ANKRD30A: variants seen among roughly 807,000 people sequenced by gnomAD.
ANKRD30A encodes the protein ankyrin repeat domain-containing protein 30A.
In ANKRD30A, 170 loss-of-function variants were observed where a neutral mutation model predicts 166.3. The ratio of observed to expected loss-of-function variants is 1.02; its 90% CI spans 0.90 to 1.16. The LOEUF is 1.16. Ranked by LOEUF, ANKRD30A falls within the 50% of genes most tolerant of loss-of-function variation. The probability of loss-of-function intolerance (pLI) is 0.00; values close to 1 mark genes in which losing one functional copy is unlikely to be tolerated. For missense variants in ANKRD30A, 1,630 were observed against 1,518.0 expected (o/e 1.07, Z -1.23); for synonymous variants, 564 against 508.9 (o/e 1.11, Z -1.46).
chr10:37,139,812 A>G (rs1447040558), intron 6 of ANKRD30A, among the ~76,000 whole-genome samples: 3 of 152,186 alleles, frequency 2.0e-5, no homozygotes, highest in East Asian at 3.9e-4. Flanking sequence ...AATTTTTACA[A>G]TAAATGGTTT....
downstream of ANKRD30A, among the ~76,000 whole-genome samples, chr10:37,232,808 G>A (rs561625906): frequency 6.2e-5 from 9 of 144,604 alleles, no homozygotes; most frequent in African/African-American, 2.0e-4. Context: ...AGTCACTTGA[G>A]CCCAAGATTT....
the ANKRD30A span, chr10:37,241,272 A>T: frequency 3.9e-3 from 587 of 151,408 alleles, 3 homozygotes; most frequent in African/African-American, 0.014. Flanking sequence ...CAGAAAAAAA[A>T]GGTACTAACT....
chr10:37,178,883 G>A (rs1266357710), intron 24 of ANKRD30A, among the ~76,000 whole-genome samples: 2 of 150,828 alleles, frequency 1.3e-5, no homozygotes, highest in African/African-American at 2.4e-5. Flanking sequence ...CACTTCGGAA[G>A]CATTTAGAAA....
chr10:37,220,029 A>ATATATATATATAT (rs1366777838), intron 34 of ANKRD30A, 132 bp downstream of exon 34: 1 of 148,442 alleles, frequency 6.7e-6, no homozygotes, highest in Non-Finnish European at 1.2e-5. Flanking sequence ...ATATATATAT[A>ATATATATATATAT]ATATATGTAT....
intron 25 of ANKRD30A, among the ~76,000 whole-genome samples, chr10:37,191,795 A>C (rs1168799466): frequency 1.3e-5 from 2 of 152,026 alleles, no homozygotes; most frequent in South Asian, 4.2e-4. Flanking sequence ...GGAGATCCAG[A>C]CCATCCTGGC....
the ANKRD30A span, among the ~76,000 whole-genome samples, chr10:37,260,101 T>A: frequency 6.6e-6 from 1 of 150,414 alleles, no homozygotes; most frequent in Non-Finnish European, 1.5e-5. Flanking sequence ...TCTTTCCTTT[T>A]GTGTATGTTT....
downstream of ANKRD30A, among the ~76,000 whole-genome samples, chr10:37,234,776 C>T (rs537630465): frequency 4.0e-4 from 61 of 152,216 alleles, no homozygotes; most frequent in African/African-American, 1.4e-3. Context: ...AGTTTAGCAA[C>T]TTCTTTTCTA....
intron 8 of ANKRD30A, among the ~76,000 whole-genome samples, chr10:37,145,518 A>C (rs1375374212): frequency 6.6e-6 from 1 of 152,240 alleles, no homozygotes; most frequent in Non-Finnish European, 1.5e-5. Flanking sequence ...TACTTAAAAA[A>C]AAATGTGTGC....
chr10:37,126,961 C>T (rs1283310517), intron 1 of ANKRD30A, among the ~76,000 whole-genome samples: 6 of 142,558 alleles, frequency 4.2e-5, no homozygotes, highest in Admixed American at 1.5e-4. Flanking sequence ...GCGGGAGAAT[C>T]GCTTGAACCC....
intron 8 of ANKRD30A, 66 bp downstream of exon 8, chr10:37,145,122 C>T (rs1837406593): frequency 1.6e-6 from 2 of 1,288,164 alleles, no homozygotes; most frequent in Non-Finnish European, 2.1e-6. Flanking sequence ...AATATAAAGT[C>T]AGAGGCTTTG....
At chr10:37,166,886 G>A (rs960367175) in intron 19 of ANKRD30A, among the ~76,000 whole-genome samples, 191 bp downstream of exon 19, 15 of 152,062 alleles carry the variant, frequency 9.9e-5, no homozygotes, top group African/African-American at 2.2e-4. Context: ...GTGCTGAAGC[G>A]GAGCTGAATT....
chr10:37,235,894 C>T (rs1005715678), downstream of ANKRD30A, among the ~76,000 whole-genome samples: 6 of 151,672 alleles, frequency 4.0e-5, no homozygotes, highest in African/African-American at 7.2e-5. Flanking sequence ...CACAGCCTCC[C>T]GAGTAGCTGG....
chr10:37,199,446 A>G (rs1841440615), intron 29 of ANKRD30A, among the ~76,000 whole-genome samples: 1 of 152,086 alleles, frequency 6.6e-6, no homozygotes, highest in Non-Finnish European at 1.5e-5. Context: ...CTTGTTTCAG[A>G]GTAGAAGAGT....
At chr10:37,159,661 A>C (rs192962915) in intron 15 of ANKRD30A, among the ~76,000 whole-genome samples, 1 of 151,900 alleles carries the variant, frequency 6.6e-6, no homozygotes, top group Admixed American at 6.6e-5. Flanking sequence ...TCATGTCTTA[A>C]ATTTTCTTCT....
chr10:37,160,916 A>G (rs1318948534), intron 15 of ANKRD30A, among the ~76,000 whole-genome samples: 1 of 152,162 alleles, frequency 6.6e-6, no homozygotes, highest in Non-Finnish European at 1.5e-5. Flanking sequence ...TGTCAACCAC[A>G]TTACTTTAGA....
the ANKRD30A span, among the ~76,000 whole-genome samples, chr10:37,243,629 A>T: frequency 6.6e-6 from 1 of 152,148 alleles, no homozygotes; most frequent in Non-Finnish European, 1.5e-5. Context: ...ACTGAGCTTA[A>T]GTGAAAGACG....
intron 13 of ANKRD30A, 35 bp from the exon 14 acceptor site, chr10:37,158,357 C>A (rs1838545310): frequency 3.1e-6 from 5 of 1,597,774 alleles, no homozygotes; most frequent in Middle Eastern, 1.8e-4. Context: ...GTCAGGCTTG[C>A]ATATAATCAA....
chr10:37,158,937 T>C (rs1352835285), intron 15 of ANKRD30A, among the ~76,000 whole-genome samples: 2 of 152,188 alleles, frequency 1.3e-5, no homozygotes, highest in East Asian at 1.9e-4. Context: ...GATCTTTACT[T>C]AGAAGAAAGT....
In ANKRD30A at chr10:37,159,382, A is replaced by T. The variant is rs12769271; in HGVS notation, c.1900+796A>T. ...ATATAACAAAAAATAGCCGGTTGTG[A>T]TGGTGGGTGCCTGTCATCTCAGCTA... On this transcript the variant is annotated intron_variant, in intron 15 of 35. Coordinates refer to ENST00000361713, the MANE Select transcript of ANKRD30A (RefSeq NM_052997.3). Among the ~76,000 whole-genome samples the T allele has an allele frequency of 6.6e-5, 10 of 152,064 alleles. 1 individual carries two copies. Among genetic ancestry groups the T allele is most frequent in the Admixed American group, 5.9e-4 (9 of 15,262 alleles).
Sources: gnomAD v4.1 joint callset for allele counts (sites outside exome capture counted in the v4.1 genomes callset) on GRCh38, gnomAD v4.1.1 for gene constraint, MANE v1.5 for transcripts, NCBI Gene and HGNC (gene_info 2026-07-23, HGNC 2026-07-21) for gene names.